Variants in GPC5 observed in about 807,000 individuals in gnomAD.
GPC5 encodes glypican 5, also known as glypican-5.
A neutral mutation model predicts 53.9 loss-of-function variants in GPC5; 47 were observed. That is an observed-to-expected ratio of 0.87 (90% confidence interval 0.69 to 1.11). The LOEUF (loss-of-function observed/expected upper bound fraction) is 1.11. Among genes scored for constraint, GPC5 ranks in the 50% most tolerant of loss-of-function variants. GPC5 has a pLI of 0.00. For synonymous variants in GPC5, 286 were observed against 263.3 expected (o/e 1.09, Z -0.84); for missense variants, 748 against 713.1 (o/e 1.05, Z -0.56).
intron 5 of GPC5, among the ~76,000 whole-genome samples, chr13:91,765,072 T>C (rs2037496416): frequency 6.6e-6 from 1 of 152,200 alleles, no homozygotes; most frequent in African/African-American, 2.4e-5. Context: ...TTTTCTACTT[T>C]TGGTGGAAGT....
intron 7 of GPC5, among the ~76,000 whole-genome samples, chr13:92,524,560 A>G (rs144624857): frequency 1.3e-5 from 2 of 152,254 alleles, no homozygotes; most frequent in African/African-American, 4.8e-5. Context: ...GTATAATCAA[A>G]AGAACAGGAA....
chr13:92,001,672 A>C (rs1206107407), intron 6 of GPC5, among the ~76,000 whole-genome samples: 3 of 152,220 alleles, frequency 2.0e-5, no homozygotes, highest in African/African-American at 4.8e-5. Flanking sequence ...TTTAAATGTA[A>C]AAAGTATTGT....
At chr13:92,819,785 T>A (rs945353875) in intron 7 of GPC5, among the ~76,000 whole-genome samples, 3 of 152,164 alleles carry the variant, frequency 2.0e-5, no homozygotes, top group Non-Finnish European at 4.4e-5. Flanking sequence ...GAGGAGGAAT[T>A]TTTTAATTAT....
chr13:91,849,712 C>T (rs764388736), intron 5 of GPC5, among the ~76,000 whole-genome samples: 6 of 151,970 alleles, frequency 3.9e-5, no homozygotes, highest in Non-Finnish European at 7.4e-5. Flanking sequence ...AGCTTTTGAT[C>T]GAGGGAAACC....
Position 92,038,383 on chromosome 13 carries a change from G to GATA in GPC5, c.1402-106447_1402-106446insATA, listed in dbSNP as rs1566406932. On this transcript the variant is annotated intron_variant, in intron 6 of 7. Transcript: ENST00000377067. Reference sequence around the variant, plus strand: ...AGATAGATAGATAGATAGATAGATAGGTAGATAGATAGATCGATCCCTGTT... The same window carrying GATA: ...AGATAGATAGATAGATAGATAGATAGATAGTAGATAGATAGATCGATCCCTGTT... Among the ~76,000 whole-genome samples, 474 of 76,576 alleles carry GATA rather than the reference G, an allele frequency of 6.2e-3. 6 individuals carry two copies. The highest frequency in any genetic ancestry group is 3.5e-3 in the Non-Finnish European group (131 of 37,204). 50.2% of individuals were successfully genotyped at this position (76,576 alleles called of 152,430 possible).
chr13:92,455,894 T>C lies in GPC5; in HGVS notation c.1561+310905T>C, dbSNP rs573426312. On this transcript the variant is annotated intron_variant, in intron 7 of 7. Coordinates refer to ENST00000377067, the MANE Select transcript of GPC5 (RefSeq NM_004466.6). ...ATATTACCAGTTATCAAAAAACGTG[T>C]CTCTTTTTGGAGGGTGAGTAAACTT... Among the ~76,000 whole-genome samples, 10 of 152,298 alleles carry C rather than the reference T, an allele frequency of 6.6e-5. No homozygotes were observed. In the South Asian group the frequency reaches 1.9e-3, roughly 28 times the overall value.
At chr13:91,561,128 G>T (rs1044790481) in intron 2 of GPC5, among the ~76,000 whole-genome samples, 5 of 152,106 alleles carry the variant, frequency 3.3e-5, no homozygotes, top group Non-Finnish European at 7.4e-5. Flanking sequence ...AGTTTACAGT[G>T]GCCAGAAGAT....
At chr13:92,272,554 C>T (rs2042847228) in intron 7 of GPC5, among the ~76,000 whole-genome samples, 1 of 152,156 alleles carries the variant, frequency 6.6e-6, no homozygotes. Context: ...ATCACAAGTC[C>T]TGCACAGTCA....
chr13:91,882,955 A>C lies in GPC5; in HGVS notation c.1281-24982A>C, dbSNP rs2039283331. 2.0e-5 allele frequency among the ~76,000 whole-genome samples: 3 copies of C among 152,094 alleles called. No homozygotes were observed. In the South Asian group the frequency reaches 6.2e-4, roughly 31 times the overall value. On this transcript the variant is annotated intron_variant, in intron 5 of 7. Coordinates refer to ENST00000377067, the MANE Select transcript of GPC5 (RefSeq NM_004466.6). ...AGTGTTACAGTTACTATTGCTGCTT[A>C]AGAAACTACCCAAATTTAATAAGGT...
intron 7 of GPC5, among the ~76,000 whole-genome samples, chr13:92,756,278 C>A (rs916068987): frequency 5.9e-5 from 9 of 152,030 alleles, no homozygotes; most frequent in Non-Finnish European, 1.2e-4. Flanking sequence ...CAAAATTCAA[C>A]AACCCTTCAT....
intron 7 of GPC5, among the ~76,000 whole-genome samples, chr13:92,736,423 C>T (rs759450650): frequency 1.4e-4 from 22 of 151,994 alleles, no homozygotes; most frequent in Admixed American, 2.6e-4. Flanking sequence ...CCACCTTCTT[C>T]ATTAAGTCCT....
intron 7 of GPC5, among the ~76,000 whole-genome samples, chr13:92,157,932 A>G (rs186185459): frequency 6.6e-6 from 1 of 152,226 alleles, no homozygotes; most frequent in Admixed American, 6.5e-5. Context: ...AAAGGGAAAT[A>G]GGTATATCAG....
At chr13:92,602,773 G>A (rs1303162913) in intron 7 of GPC5, among the ~76,000 whole-genome samples, 1 of 152,090 alleles carries the variant, frequency 6.6e-6, no homozygotes, top group African/African-American at 2.4e-5. Context: ...GAATTGCTGT[G>A]TTGGACCATA....
chr13:92,204,934 A>G (rs2042322433), intron 7 of GPC5, among the ~76,000 whole-genome samples: 2 of 152,158 alleles, frequency 1.3e-5, no homozygotes, highest in Admixed American at 6.5e-5. Flanking sequence ...GCTGGAGTGC[A>G]GTGGCGCAAT....
At chr13:91,451,970 A>T (rs1443462268) in intron 2 of GPC5, among the ~76,000 whole-genome samples, 2 of 151,450 alleles carry the variant, frequency 1.3e-5, no homozygotes, top group Non-Finnish European at 2.9e-5. Flanking sequence ...TTTATTATTT[A>T]TTTTCATTTT....
At chr13:91,765,441 C>T (rs1027472507) in intron 5 of GPC5, among the ~76,000 whole-genome samples, 1 of 152,230 alleles carries the variant, frequency 6.6e-6, no homozygotes. Context: ...TCTATTGTCC[C>T]TTGTTCTTGG....
chr13:91,715,029 C>T (rs991645863), intron 3 of GPC5, among the ~76,000 whole-genome samples: 1 of 152,190 alleles, frequency 6.6e-6, no homozygotes, highest in Non-Finnish European at 1.5e-5. Flanking sequence ...ATACCTACTT[C>T]TAATTACATG....
At chr13:91,706,535 T>C (rs371264873) in intron 3 of GPC5, among the ~76,000 whole-genome samples, 2 of 152,196 alleles carry the variant, frequency 1.3e-5, no homozygotes, top group East Asian at 1.9e-4. Context: ...ACATATTTTT[T>C]AGAGTCATAT....
At position 91,996,710 on chromosome 13, in the gene GPC5, C is replaced by G. The variant is rs185534430; in HGVS notation, c.1401+88653C>G. ...CCCCTCCCTCTAAGCTAATTCTGCT[C>G]TTACTTCTAACACTGTAGTTTACTT... On this transcript the variant is annotated intron_variant, in intron 6 of 7. Transcript: ENST00000377067. 3.1e-3 allele frequency among the ~76,000 whole-genome samples: 470 copies of G among 152,266 alleles called. 3 individuals carry two copies. Among genetic ancestry groups the G allele is most frequent in the African/African-American group, 0.011 (451 of 41,562 alleles).
Sources: gnomAD v4.1 joint callset for allele counts (sites outside exome capture counted in the v4.1 genomes callset) on GRCh38, gnomAD v4.1.1 for gene constraint, MANE v1.5 for transcripts, NCBI Gene and HGNC (gene_info 2026-07-23, HGNC 2026-07-21) for gene names.